EEFSEC: variants seen among roughly 807,000 people sequenced by gnomAD.
The protein encoded by EEFSEC is eukaryotic elongation factor, selenocysteine-tRNA specific, also known as selenocysteine-specific elongation factor.
Under a neutral mutation model 42.1 loss-of-function variants are expected in EEFSEC, and 43 were observed. That is an observed-to-expected ratio of 1.02 (90% CI 0.80 to 1.32). EEFSEC has a LOEUF of 1.32. EEFSEC is among the 40% of genes most tolerant of loss of function. The probability of loss-of-function intolerance (pLI) is 0.00; values close to 1 mark genes in which losing one functional copy is unlikely to be tolerated. For synonymous variants in EEFSEC, 354 were observed against 339.1 expected, an observed-to-expected ratio of 1.04 and a Z score of -0.48; for missense variants, 745 against 803.6, an observed-to-expected ratio of 0.93 and a Z score of 0.88.
chr3:128,269,194 G>A (rs2066388399), intron 4 of EEFSEC, among the ~76,000 whole-genome samples: 1 of 152,218 alleles, frequency 6.6e-6, no homozygotes. Flanking sequence ...GGGACTTGAA[G>A]TCATTCATCC....
intron 4 of EEFSEC, among the ~76,000 whole-genome samples, chr3:128,286,608 T>C (rs1162111908): frequency 6.6e-6 from 1 of 152,224 alleles, no homozygotes; most frequent in African/African-American, 2.4e-5. Flanking sequence ...CCTTTTGTTT[T>C]CTGAGCACTT....
chr3:128,393,181 GC>G (rs1016623181), intron 6 of EEFSEC, among the ~76,000 whole-genome samples: 1 of 152,266 alleles, frequency 6.6e-6, no homozygotes, highest in Admixed American at 6.5e-5. Context: ...CTCTCTGAGG[GC>G]TTCCCCCTTC....
intron 1 of EEFSEC, among the ~76,000 whole-genome samples, chr3:128,205,518 T>G (rs1293279498): frequency 2.6e-5 from 4 of 152,220 alleles, no homozygotes; most frequent in Non-Finnish European, 2.9e-5. Flanking sequence ...GAGATCTGCC[T>G]AATAATAGGA....
chr3:128,331,266 ACATCTCCCCTCTTCCCCCTTCCTCAATG>A (rs2067128770), intron 4 of EEFSEC, among the ~76,000 whole-genome samples: 1 of 7,534 alleles, frequency 1.3e-4, no homozygotes, highest in Non-Finnish European at 2.2e-4. Flanking sequence ...CTTCCTCAGT[ACATCTCCCCTCTTCCCCCTTCCTCAATG>A]CATCTCCCTT....
At chr3:128,229,940 C>T (rs2107863674) in intron 1 of EEFSEC, among the ~76,000 whole-genome samples, 1 of 152,196 alleles carries the variant, frequency 6.6e-6, no homozygotes, top group South Asian at 2.1e-4. Flanking sequence ...GCCCACCAGC[C>T]CTGGAGGGTT....
intron 6 of EEFSEC, among the ~76,000 whole-genome samples, chr3:128,398,051 G>A (rs545369758): frequency 6.6e-6 from 1 of 152,264 alleles, no homozygotes; most frequent in Non-Finnish European, 1.5e-5. Context: ...GAGCCCAGAA[G>A]GTGGGTGGGG....
At chr3:128,182,504 C>T (rs1013435168) in intron 1 of EEFSEC, among the ~76,000 whole-genome samples, 1 of 152,188 alleles carries the variant, frequency 6.6e-6, no homozygotes, top group African/African-American at 2.4e-5. Flanking sequence ...TGCCAACACA[C>T]ATCATCAGTT....
chr3:128,163,938 G>GGA (rs773164719), intron 1 of EEFSEC, among the ~76,000 whole-genome samples: 1 of 124,144 alleles, frequency 8.1e-6, no homozygotes, highest in Non-Finnish European at 1.8e-5. Flanking sequence ...ATTTTTTTGT[G>GGA]AAAAAAAAAA....
chr3:128,249,586 C>A (rs2066162925), intron 2 of EEFSEC, among the ~76,000 whole-genome samples: 1 of 152,192 alleles, frequency 6.6e-6, no homozygotes, highest in South Asian at 2.1e-4. Context: ...AGCAATAACT[C>A]CCCTTTCTCC....
At chr3:128,215,243 T>C (rs943653210) in intron 1 of EEFSEC, among the ~76,000 whole-genome samples, 2 of 152,176 alleles carry the variant, frequency 1.3e-5, no homozygotes, top group African/African-American at 4.8e-5. Context: ...GTGAAGCTCC[T>C]TTTGTGTCTC....
intron 3 of EEFSEC, among the ~76,000 whole-genome samples, chr3:128,263,704 C>T (rs778625127): frequency 2.0e-5 from 3 of 152,296 alleles, no homozygotes; most frequent in South Asian, 2.1e-4. Context: ...ACTTTTTTGA[C>T]AGCCTGTTCC....
At chr3:128,347,266 A>G (rs990393868) in intron 5 of EEFSEC, among the ~76,000 whole-genome samples, 2 of 152,152 alleles carry the variant, frequency 1.3e-5, no homozygotes, top group African/African-American at 4.8e-5. Context: ...AATGAAGAAA[A>G]AAAAAAAAGA....
At position 128,296,038 on chromosome 3, in the gene EEFSEC, C is replaced by A. The variant is rs994830446; in HGVS notation, c.786+31257C>A. Among the ~76,000 whole-genome samples, 16 of 152,114 alleles carry A rather than the reference C, an allele frequency of 1.1e-4. 1 individual carries two copies. The highest frequency in any genetic ancestry group is 2.9e-5 in the Non-Finnish European group (2 of 68,020). ...CATGTTACCATGGTCCAGAAATCAC[C>A]CGCTCATCCCAGAAGAGATGGAAGG... On this transcript the variant is annotated intron_variant, in intron 4 of 6. Coordinates refer to ENST00000254730, the MANE Select transcript of EEFSEC (RefSeq NM_021937.5).
chr3:128,319,728 G>C (rs1459904864), intron 4 of EEFSEC, among the ~76,000 whole-genome samples: 1 of 152,182 alleles, frequency 6.6e-6, no homozygotes, highest in Non-Finnish European at 1.5e-5. Context: ...AGGAGGAGAC[G>C]ATCTGAATGC....
chr3:128,235,058 C>G, intron 1 of EEFSEC, among the ~76,000 whole-genome samples: 1 of 152,038 alleles, frequency 6.6e-6, no homozygotes, highest in South Asian at 2.1e-4. Flanking sequence ...TACTTACTTA[C>G]TTATTTATTT....
chr3:128,346,288 A>T (rs775083153), intron 5 of EEFSEC, among the ~76,000 whole-genome samples: 3 of 152,244 alleles, frequency 2.0e-5, no homozygotes, highest in Non-Finnish European at 4.4e-5. Flanking sequence ...ATCAAACACA[A>T]TTTAATTAAC....
chr3:128,208,117 C>T (rs1293183754), intron 1 of EEFSEC, among the ~76,000 whole-genome samples: 3 of 152,192 alleles, frequency 2.0e-5, no homozygotes, highest in Non-Finnish European at 4.4e-5. Flanking sequence ...GATTTTGGCT[C>T]AATCCAGATA....
intron 4 of EEFSEC, among the ~76,000 whole-genome samples, chr3:128,283,093 G>A (rs568562789): frequency 6.6e-6 from 1 of 152,342 alleles, no homozygotes; most frequent in East Asian, 1.9e-4. Flanking sequence ...GTATAAGCAG[G>A]CTGCTCAGAG....
At chr3:128,327,688 G>A (rs2067080349) in intron 4 of EEFSEC, among the ~76,000 whole-genome samples, 1 of 152,186 alleles carries the variant, frequency 6.6e-6, no homozygotes, top group Non-Finnish European at 1.5e-5. Context: ...TGGGAGACCA[G>A]CCCAGAGCTC....
Sources: gnomAD v4.1 joint callset for allele counts (sites outside exome capture counted in the v4.1 genomes callset) on GRCh38, gnomAD v4.1.1 for gene constraint, MANE v1.5 for transcripts, NCBI Gene and HGNC (gene_info 2026-07-23, HGNC 2026-07-21) for gene names.